GRIN2B: variants seen among roughly 807,000 people sequenced by gnomAD.
GRIN2B encodes the protein glutamate ionotropic receptor NMDA type subunit 2B.
In GRIN2B, 5 loss-of-function variants were observed where a neutral mutation model predicts 114.5. The observed-to-expected ratio is 0.04, with a 90% confidence interval of 0.02 to 0.09. The LOEUF is 0.09. GRIN2B is among the 10% of genes least tolerant of loss of function. The pLI is 1.00. For synonymous variants in GRIN2B, 787 were observed against 745.1 expected, an observed-to-expected ratio of 1.06 and a Z score of -0.92; for missense variants, 1,108 against 1,943.5, an observed-to-expected ratio of 0.57 and a Z score of 8.08.
In GRIN2B at chr12:13,943,559, C is replaced by A. The variant is rs140223073; in HGVS notation, c.-19+36369G>T. On this transcript the variant is annotated intron_variant, in intron 2 of 13. Coordinates refer to ENST00000609686, the MANE Select transcript of GRIN2B (RefSeq NM_000834.5). The stretch of plus-strand genomic sequence containing the variant: ...CGTGATCTCATCTCTCCCACTTCTG[C>A]TCCATTCACTAAGCCCTAAGCATGG... Among the ~76,000 whole-genome samples the A allele has an allele frequency of 7.3e-3, 1,114 of 152,286 alleles. 16 individuals are homozygous for A. The highest frequency in any genetic ancestry group is 0.026 in the African/African-American group (1,073 of 41,560).
chr12:13,595,999 T>C (rs762597209), intron 10 of GRIN2B, among the ~76,000 whole-genome samples: 34 of 151,774 alleles, frequency 2.2e-4, no homozygotes, highest in Non-Finnish European at 4.1e-4. Context: ...TTAATAACCT[T>C]GTGTGTTCAA....
chr12:13,616,600 A>G lies in GRIN2B; in HGVS notation c.1183T>C (p.Cys395Arg). 2 of 1,614,046 alleles carry G rather than the reference A, an allele frequency of 1.2e-6. No individual in the cohort carries two copies. Among genetic ancestry groups the G allele is most frequent in the Non-Finnish European group, 1.7e-6 (2 of 1,179,898 alleles). The change falls in exon 6 of 14, where the codon TGT becomes CGT. Residue 395 changes from cysteine (C) to arginine (R), a missense_variant. Physicochemically the swap from Cys to Arg is radical, Grantham distance 180. Coordinates refer to ENST00000609686, the MANE Select transcript of GRIN2B (RefSeq NM_000834.5). ...QMKYYVWPRM[C>R]PETEEQEDDH... ...TCCTCCTGCTCTTCAGTCTCTGGAC[A>G]CATTCGGGGCCACACATAGTACTTC...
At chr12:13,624,063 G>C (rs1949545252) in intron 5 of GRIN2B, among the ~76,000 whole-genome samples, 1 of 152,058 alleles carries the variant, frequency 6.6e-6, no homozygotes, top group Admixed American at 6.6e-5. Flanking sequence ...TACTGTCCCT[G>C]ATCACCCCAG....
intron 3 of GRIN2B, among the ~76,000 whole-genome samples, chr12:13,800,196 T>C (rs1000954583): frequency 1.3e-5 from 2 of 152,148 alleles, no homozygotes; most frequent in Non-Finnish European, 2.9e-5. Flanking sequence ...ATGACTAACC[T>C]ACAGCTGTGC....
At chr12:13,698,037 C>A (rs1291966528) in intron 4 of GRIN2B, among the ~76,000 whole-genome samples, 1 of 152,198 alleles carries the variant, frequency 6.6e-6, no homozygotes, top group African/African-American at 2.4e-5. Context: ...TATTCAGATG[C>A]AACTACCATT....
At chr12:13,755,511 T>C (rs1014744679) in intron 3 of GRIN2B, among the ~76,000 whole-genome samples, 1 of 152,168 alleles carries the variant, frequency 6.6e-6, no homozygotes, top group African/African-American at 2.4e-5. Context: ...GACTTAAAGA[T>C]ACAGTTGAAG....
rs1290495591 is a variant in GRIN2B, at chr12:13,932,984, T to TGC, written c.-19+46943_-19+46944insGC. Among the ~76,000 whole-genome samples, 155 of 129,770 alleles carry TGC rather than the reference T, an allele frequency of 1.2e-3. 1 individual carries two copies. In the East Asian group the frequency reaches 0.015, roughly 13 times the overall value. The allele number at this position is 129,770 out of a possible 152,430, so 85.1% of individuals were successfully genotyped here. A position where few individuals can be genotyped will look rare whatever the true frequency, so the allele number is the denominator to read the frequency against. On this transcript the variant is annotated intron_variant, in intron 2 of 13. Coordinates refer to ENST00000609686, the MANE Select transcript of GRIN2B (RefSeq NM_000834.5). The stretch of plus-strand genomic sequence containing the variant: ...GTGTGTGTGTGTGTGTGTGTGTGTG[T>TGC]GTGCGTGTGCGTGTGTGTGTGTTTG...
intron 4 of GRIN2B, among the ~76,000 whole-genome samples, chr12:13,686,695 C>A (rs1326368574): frequency 6.6e-6 from 1 of 152,144 alleles, no homozygotes; most frequent in Non-Finnish European, 1.5e-5. Context: ...CCCCAGACTT[C>A]ACTCCTTAAC....
intron 3 of GRIN2B, among the ~76,000 whole-genome samples, chr12:13,777,929 C>T (rs1474967193): frequency 6.6e-6 from 1 of 152,178 alleles, no homozygotes; most frequent in Non-Finnish European, 1.5e-5. Flanking sequence ...CCTATGTCTG[C>T]CTTGATTGTC....
At chr12:13,881,304 C>T (rs1866070162) in intron 2 of GRIN2B, among the ~76,000 whole-genome samples, 1 of 152,190 alleles carries the variant, frequency 6.6e-6, no homozygotes, top group East Asian at 1.9e-4. Flanking sequence ...AATCTCTCCA[C>T]ATTTCCGTGG....
chr12:13,694,670 T>C (rs987858230), intron 4 of GRIN2B, among the ~76,000 whole-genome samples: 32 of 80,492 alleles, frequency 4.0e-4, no homozygotes, highest in South Asian at 3.9e-3. Context: ...TATATATATA[T>C]ATATATATAT....
At chr12:13,672,252 A>G (rs1950029162) in intron 5 of GRIN2B, among the ~76,000 whole-genome samples, 1 of 152,158 alleles carries the variant, frequency 6.6e-6, no homozygotes, top group South Asian at 2.1e-4. Context: ...TAGAAAAGTG[A>G]AAAAAGCAGG....
rs984884376 is a variant in GRIN2B, at chr12:13,651,273, A to G, written c.1125+24472T>C. Reference sequence around the variant, plus strand: ...AATGTGGGCCCAGGAATGGTCTTTGATAGTGGAGTCTGTCCTGCATTAAAA... The same window carrying G: ...AATGTGGGCCCAGGAATGGTCTTTGGTAGTGGAGTCTGTCCTGCATTAAAA... On this transcript the variant is annotated intron_variant, in intron 5 of 13. Transcript: ENST00000609686. Among the ~76,000 whole-genome samples the G allele has an allele frequency of 2.0e-5, 3 of 152,122 alleles. No individual in the cohort carries two copies. In the South Asian group the frequency reaches 6.2e-4, roughly 31 times the overall value.
chr12:13,780,663 T>G (rs1864093264), intron 3 of GRIN2B, among the ~76,000 whole-genome samples: 1 of 152,112 alleles, frequency 6.6e-6, no homozygotes, highest in Non-Finnish European at 1.5e-5. Flanking sequence ...GAGCAAGGGT[T>G]TATAACATGA....
intron 3 of GRIN2B, among the ~76,000 whole-genome samples, chr12:13,758,109 A>G (rs1159236720): frequency 6.6e-6 from 1 of 152,214 alleles, no homozygotes; most frequent in East Asian, 1.9e-4. Flanking sequence ...TTACAGGTGT[A>G]AAGACCTAAT....
intron 5 of GRIN2B, among the ~76,000 whole-genome samples, chr12:13,659,561 T>C (rs1949899237): frequency 6.6e-6 from 1 of 152,210 alleles, no homozygotes; most frequent in South Asian, 2.1e-4. Flanking sequence ...TCTAATGCTC[T>C]TTAAGCTCAA....
At chr12:13,721,435 T>C (rs1327526275) in intron 4 of GRIN2B, among the ~76,000 whole-genome samples, 5 of 151,944 alleles carry the variant, frequency 3.3e-5, no homozygotes, top group Admixed American at 6.6e-5. Flanking sequence ...ATTAGGGTGA[T>C]TGGCAGAAAG....
intron 3 of GRIN2B, among the ~76,000 whole-genome samples, chr12:13,843,446 G>A (rs1865420843): frequency 6.6e-6 from 1 of 151,928 alleles, no homozygotes; most frequent in Admixed American, 6.6e-5. Flanking sequence ...TTTCCATGAG[G>A]CCAAATCAGA....
intron 5 of GRIN2B, among the ~76,000 whole-genome samples, chr12:13,658,357 T>C (rs1949888099): frequency 6.6e-6 from 1 of 152,166 alleles, no homozygotes; most frequent in Non-Finnish European, 1.5e-5. Context: ...TCTAATTAAC[T>C]TTTCCTTAAT....
Sources: allele counts gnomAD v4.1 joint callset (sites outside exome capture counted in the v4.1 genomes callset), GRCh38; gene constraint gnomAD v4.1.1; transcripts MANE v1.5; gene names NCBI Gene and HGNC (gene_info 2026-07-23, HGNC 2026-07-21).